Variants in MED13L observed in about 807,000 individuals in gnomAD.
The protein encoded by MED13L is mediator of RNA polymerase II transcription subunit 13-like.
In MED13L, 7 loss-of-function variants were observed where a neutral mutation model predicts 220.9. That is an observed-to-expected ratio of 0.03 (90% confidence interval 0.02 to 0.06). The LOEUF is 0.06. MED13L is among the 10% of genes least tolerant of loss of function. The pLI is 1.00. For missense variants in MED13L, 1,965 were observed against 2,760.5 expected (o/e 0.71, Z 6.46); for synonymous variants, 1,011 against 1,015.2 (o/e 1.00, Z 0.08).
Position 116,123,018 on chromosome 12 carries a change from A to G in MED13L, c.311-11506T>C, listed in dbSNP as rs1875228474. Reference sequence around the variant, plus strand: ...GCTGTTATTGACTTCTCAAAACCAAATTTGTCCCCATTTGCTACTTCTTCC... The same window carrying G: ...GCTGTTATTGACTTCTCAAAACCAAGTTTGTCCCCATTTGCTACTTCTTCC... On this transcript the variant is annotated intron_variant, in intron 2 of 30. Coordinates refer to ENST00000281928, the MANE Select transcript of MED13L (RefSeq NM_015335.5). Among the ~76,000 whole-genome samples the G allele has an allele frequency of 2.0e-5, 3 of 152,160 alleles. No homozygotes were observed. The South Asian group carries it at 6.2e-4, about 32-fold the overall frequency.
At chr12:116,253,733 C>A (rs1016250156) in intron 1 of MED13L, among the ~76,000 whole-genome samples, 1 of 150,364 alleles carries the variant, frequency 6.7e-6, no homozygotes, top group African/African-American at 2.5e-5. Flanking sequence ...AAATCAATAC[C>A]CACCTTCACG....
chr12:116,125,271 G>A (rs1040096921), intron 2 of MED13L, among the ~76,000 whole-genome samples: 4 of 152,184 alleles, frequency 2.6e-5, no homozygotes, highest in Non-Finnish European at 5.9e-5. Flanking sequence ...GAAATTCAAG[G>A]CCAGCCTGGG....
intron 2 of MED13L, among the ~76,000 whole-genome samples, chr12:116,135,260 A>G (rs1303890035): frequency 2.6e-5 from 4 of 152,186 alleles, no homozygotes; most frequent in Non-Finnish European, 5.9e-5. Flanking sequence ...CATTCACTGG[A>G]ACACTCGCTC....
At chr12:115,980,618 C>T in intron 23 of MED13L, 132 bp downstream of exon 23, 3 of 981,506 alleles carry the variant, frequency 3.1e-6, no homozygotes, top group Non-Finnish European at 3.2e-6. Flanking sequence ...GCCAACACAT[C>T]CAGCCTAGCA....
intron 2 of MED13L, chr12:116,174,419 T>A (rs536016758): frequency 6.6e-6 from 1 of 151,942 alleles, no homozygotes; most frequent in African/African-American, 2.4e-5. Context: ...CTATCCATTT[T>A]CTATGTAAAA....
At chr12:115,976,484 T>C (rs567285956) in intron 23 of MED13L, among the ~76,000 whole-genome samples, 7 of 152,326 alleles carry the variant, frequency 4.6e-5, no homozygotes, top group African/African-American at 1.7e-4. Context: ...ATAGTGACTA[T>C]CTTTAAGGGA....
At chr12:116,253,119 A>C (rs573083241) in intron 1 of MED13L, among the ~76,000 whole-genome samples, 17 of 147,692 alleles carry the variant, frequency 1.2e-4, no homozygotes, top group South Asian at 4.3e-4. Flanking sequence ...AAAACTAGCC[A>C]GATGTGTTGG....
At chr12:116,031,766 A>G (rs2137499448) in intron 4 of MED13L, among the ~76,000 whole-genome samples, 1 of 143,182 alleles carries the variant, frequency 7.0e-6, no homozygotes, top group East Asian at 2.1e-4. Context: ...AAAAGAAGGA[A>G]GGAAGGAAGG....
At chr12:116,180,981 A>G (rs2138222555) in intron 2 of MED13L, among the ~76,000 whole-genome samples, 1 of 143,296 alleles carries the variant, frequency 7.0e-6, no homozygotes, top group South Asian at 2.2e-4. Context: ...CCCAGGCTGG[A>G]GTGCGGTGGC....
Position 116,012,909 on chromosome 12 carries a change from G to C in MED13L, c.1176-8C>G. The C allele has an allele frequency of 6.3e-7, 1 of 1,595,454 alleles. No individual in the cohort carries two copies. Among genetic ancestry groups the C allele is most frequent in the Non-Finnish European group, 8.6e-7 (1 of 1,163,256 alleles). On this transcript the variant is annotated splice_polypyrimidine_tract_variant and splice_region_variant and intron_variant, in intron 8 of 30. Coordinates refer to ENST00000281928, the MANE Select transcript of MED13L (RefSeq NM_015335.5). ...GTTGACATTTGGCTCCTCCTAAAAG[G>C]GTTAAAAATGTGACTTATGTGTGAA...
At chr12:116,191,475 C>A (rs1041559993) in intron 2 of MED13L, among the ~76,000 whole-genome samples, 19 of 151,994 alleles carry the variant, frequency 1.3e-4, no homozygotes, top group Non-Finnish European at 2.9e-5. Flanking sequence ...GGATTACAGG[C>A]GCCCGCCACC....
intron 2 of MED13L, among the ~76,000 whole-genome samples, chr12:116,130,406 T>C (rs923073774): frequency 1.3e-5 from 2 of 152,166 alleles, no homozygotes; most frequent in African/African-American, 4.8e-5. Context: ...CCCTAAAACC[T>C]CATTCAAGAA....
chr12:116,191,375 G>C (rs1380162152), intron 2 of MED13L, among the ~76,000 whole-genome samples: 2 of 152,050 alleles, frequency 1.3e-5, no homozygotes, highest in Non-Finnish European at 2.9e-5. Flanking sequence ...CTGTCACCCA[G>C]GCTGGAGTGA....
intron 2 of MED13L, among the ~76,000 whole-genome samples, chr12:116,139,417 C>T (rs752788396): frequency 1.8e-4 from 27 of 152,108 alleles, no homozygotes; most frequent in Non-Finnish European, 2.9e-4. Flanking sequence ...AGAGAAAATA[C>T]TGCCTTTCAG....
At chr12:115,984,136 T>C in intron 20 of MED13L, 44 bp downstream of exon 20, 1 of 1,591,576 alleles carries the variant, frequency 6.3e-7, no homozygotes, top group Non-Finnish European at 8.6e-7. Context: ...GGATTTGCTA[T>C]TTTACTTCTC....
At chr12:115,990,780 A>C (rs1036507779) in intron 17 of MED13L, among the ~76,000 whole-genome samples, 2 of 152,190 alleles carry the variant, frequency 1.3e-5, no homozygotes, top group Admixed American at 1.3e-4. Flanking sequence ...CTGCTTACTT[A>C]TGAGTTACAA....
chr12:116,171,928 G>A (rs1429909273), intron 2 of MED13L, among the ~76,000 whole-genome samples: 3 of 151,922 alleles, frequency 2.0e-5, no homozygotes, highest in South Asian at 2.1e-4. Flanking sequence ...GGGAAATTTG[G>A]GTCTACCATA....
At chr12:116,067,708 T>G (rs1026085793) in intron 4 of MED13L, among the ~76,000 whole-genome samples, 3 of 152,226 alleles carry the variant, frequency 2.0e-5, no homozygotes, top group Non-Finnish European at 4.4e-5. Flanking sequence ...CAACTTGGAT[T>G]TGTGGCATGG....
At chr12:116,007,031 G>A (rs547531154) in intron 11 of MED13L, 3 of 299,514 alleles carry the variant, frequency 1.0e-5, no homozygotes, top group Non-Finnish European at 1.9e-5. Context: ...GATAAGAAGC[G>A]CTCGATAAAT....
Sources: allele counts gnomAD v4.1 joint callset (sites outside exome capture counted in the v4.1 genomes callset), GRCh38; gene constraint gnomAD v4.1.1; transcripts MANE v1.5; gene names NCBI Gene and HGNC (gene_info 2026-07-23, HGNC 2026-07-21).